The following BTLA variants were observed in gnomAD, a reference collection of about 807,000 sequenced individuals.
BTLA encodes the protein B and T lymphocyte associated, also known as B- and T-lymphocyte attenuator.
A neutral mutation model predicts 25.0 loss-of-function variants in BTLA; 11 were observed. The observed-to-expected ratio is 0.44, with a 90% CI of 0.28 to 0.73. BTLA has a LOEUF of 0.73. Ranked by LOEUF, BTLA falls within the 30% of genes least tolerant of loss-of-function variation. The pLI is 0.15. For synonymous variants in BTLA, 104 were observed against 119.8 expected, an observed-to-expected ratio of 0.87 and a Z score of 0.86; for missense variants, 282 against 332.8, an observed-to-expected ratio of 0.85 and a Z score of 1.19.
Position 112,466,301 on chromosome 3 carries a change from T to C in BTLA, c.677A>G (p.Tyr226Cys). ...SQVLLSETGIYDNDPDLCFRM... is the reference protein window; with the variant it reads ...SQVLLSETGICDNDPDLCFRM... ...GAAACAAAGGTCAGGGTCATTATCA[T>C]AAATTCCAGTTTCTGATAGCAGTAC... The change falls in exon 5 of 5, where the codon TAT becomes TGT. Residue 226 changes from tyrosine (Y) to cysteine (C), a missense_variant. By Grantham distance (194) the Tyr-to-Cys change is radical. Coordinates refer to ENST00000334529, the MANE Select transcript of BTLA (RefSeq NM_181780.4). 6.2e-7 allele frequency: 1 copy of C among 1,614,016 alleles called. No individual in the cohort carries two copies. The highest frequency in any genetic ancestry group is 8.5e-7 in the Non-Finnish European group (1 of 1,179,916).
intron 1 of BTLA, among the ~76,000 whole-genome samples, chr3:112,495,258 T>C (rs2082403208): frequency 6.6e-6 from 1 of 152,216 alleles, no homozygotes; most frequent in Non-Finnish European, 1.5e-5. Context: ...TCCCTGATCT[T>C]AGCCACTATA....
chr3:112,465,728 A>G lies in BTLA; in HGVS notation c.*380T>C. ...CAAATTGGGACATTTTGTTTTCAAG[A>G]GTGTGTAGTGAACTGATGCAGGTAA... On this transcript the variant is annotated 3_prime_UTR_variant, in exon 5 of 5. Transcript: ENST00000334529. The G allele has an allele frequency of 6.3e-6, 1 of 159,122 alleles. No individual in the cohort carries two copies. The highest frequency in any genetic ancestry group is 1.4e-5 in the Non-Finnish European group (1 of 72,576). 9.9% of individuals were successfully genotyped at this position (159,122 alleles called of 1,614,324 possible).
rs750595248 is a variant in BTLA, at chr3:112,479,513, A to G, written c.345T>C (p.Cys115=). 11 of 1,614,124 alleles carry G rather than the reference A, an allele frequency of 6.8e-6. No individual in the cohort carries two copies. In the South Asian group the frequency reaches 1.2e-4, roughly 18 times the overall value. ...VLPNDNGSYR[C]SANFQSNLIE... is the part of the protein sequence containing the mutation. ...TGAGATTAGACTGAAAATTTGCAGA[A>G]CAGCGGTATGACCCATTGTCATTAG... The change falls in exon 2 of 5, where the codon TGT becomes TGC. Residue 115 remains cysteine (C), a synonymous_variant. Transcript: ENST00000334529.
At chr3:112,477,563 G>T (rs545963519) in intron 2 of BTLA, among the ~76,000 whole-genome samples, 1 of 151,850 alleles carries the variant, frequency 6.6e-6, no homozygotes, top group Non-Finnish European at 1.5e-5. Flanking sequence ...TTGAATTTTA[G>T]TATCTTTTGA....
At chr3:112,494,257 A>G (rs908221363) in intron 1 of BTLA, among the ~76,000 whole-genome samples, 4 of 152,224 alleles carry the variant, frequency 2.6e-5, no homozygotes, top group African/African-American at 9.6e-5. Context: ...TCAGGAAACA[A>G]TAGGTGCTGG....
rs755381980 is a variant in BTLA, at chr3:112,479,774, A to C, written c.89-5T>G. On this transcript the variant is annotated splice_polypyrimidine_tract_variant and splice_region_variant and intron_variant, in intron 1 of 4. Transcript: ENST00000334529. ...GTACATCACATGATTCTTTCCCTAA[A>C]AGATAAAAACAAAACTAAAATCAAA... 21 of 1,571,526 alleles carry C rather than the reference A, an allele frequency of 1.3e-5. No homozygotes were observed. Among genetic ancestry groups the C allele is most frequent in the Non-Finnish European group, 1.8e-5 (21 of 1,158,018 alleles).
rs1432392487 is a variant in BTLA, at chr3:112,465,057, C to T, written c.*1051G>A. The T allele has an allele frequency of 6.6e-6, 1 of 152,196 alleles. No individual in the cohort carries two copies. The highest frequency in any genetic ancestry group is 2.4e-5 in the African/African-American group (1 of 41,458). The allele number at this position is 152,196 out of a possible 1,614,324, so 9.4% of individuals were successfully genotyped here. A position where few individuals can be genotyped will look rare whatever the true frequency, so the allele number is the denominator to read the frequency against. On this transcript the variant is annotated 3_prime_UTR_variant, in exon 5 of 5. Transcript: ENST00000334529. ...CATCTTTTGCTATACTCTTAAGTGGCTGCAACCTCAGTATTTTAAAATAAA... is the reference window on the plus strand; with the variant it reads ...CATCTTTTGCTATACTCTTAAGTGGTTGCAACCTCAGTATTTTAAAATAAA...
intron 1 of BTLA, among the ~76,000 whole-genome samples, chr3:112,491,691 ATAT>A (rs1462032375): frequency 2.0e-5 from 3 of 152,184 alleles, no homozygotes; most frequent in Admixed American, 6.5e-5. Context: ...AAAGTACCAG[ATAT>A]TATTATGTTT....
rs1185586967 is a variant in BTLA at position 112,464,222 on chromosome 3, C to T, written c.*1886G>A. ...AAACAGTACAAATATATTAATACAT[C>T]TTAGAGATGAAATCATTATCAGCAT... On this transcript the variant is annotated 3_prime_UTR_variant, in exon 5 of 5. Coordinates refer to ENST00000334529, the MANE Select transcript of BTLA (RefSeq NM_181780.4). The T allele has an allele frequency of 2.5e-6, 1 of 397,530 alleles. No individual in the cohort carries two copies. The highest frequency in any genetic ancestry group is 2.1e-5 in the African/African-American group (1 of 48,544). The allele number at this position is 397,530 out of a possible 1,614,324, so 24.6% of individuals were successfully genotyped here.
chr3:112,495,958 G>C (rs2082406872), intron 1 of BTLA, among the ~76,000 whole-genome samples: 3 of 152,198 alleles, frequency 2.0e-5, no homozygotes, highest in African/African-American at 7.2e-5. Flanking sequence ...ATTCTCAAAA[G>C]AGCCAGAATA....
At chr3:112,482,123 G>A (rs191676894) in intron 1 of BTLA, among the ~76,000 whole-genome samples, 5 of 152,264 alleles carry the variant, frequency 3.3e-5, no homozygotes, top group Admixed American at 2.0e-4. Flanking sequence ...GGCTAAGCAC[G>A]TGATCCTAAA....
At position 112,485,241 on chromosome 3, in the gene BTLA, C is replaced by T. The variant is rs148893151; in HGVS notation, c.89-5472G>A. On this transcript the variant is annotated intron_variant, in intron 1 of 4. Coordinates refer to ENST00000334529, the MANE Select transcript of BTLA (RefSeq NM_181780.4). ...TGTATTTTTAGTAGGGACGGGGTTT[C>T]GCCATGTTAGCCAGGCTGATCTCGA... 3.1e-3 allele frequency among the ~76,000 whole-genome samples: 468 copies of T among 152,048 alleles called. 4 individuals are homozygous for T. The highest frequency in any genetic ancestry group is 0.01 in the African/African-American group (426 of 41,454).
intron 2 of BTLA, among the ~76,000 whole-genome samples, chr3:112,473,615 T>C (rs1265865059): frequency 7.3e-6 from 1 of 136,376 alleles, no homozygotes; most frequent in African/African-American, 2.7e-5. Context: ...CTTCTTCTTT[T>C]TTTTTTTTTT....
intron 1 of BTLA, among the ~76,000 whole-genome samples, chr3:112,492,670 A>G (rs1001753771): frequency 6.6e-6 from 1 of 152,210 alleles, no homozygotes; most frequent in Admixed American, 6.5e-5. Flanking sequence ...TGAAGATACT[A>G]AACAATACTT....
rs554925542 is a variant in BTLA, at chr3:112,491,596, T to G, written c.88+7675A>C. ...GTGTGGCTAACTCCAAAGCACAAGCTCTTATCCAGTAGGGTTGTTGTGAAA... is the reference window on the plus strand; with the variant it reads ...GTGTGGCTAACTCCAAAGCACAAGCGCTTATCCAGTAGGGTTGTTGTGAAA... On this transcript the variant is annotated intron_variant, in intron 1 of 4. Coordinates refer to ENST00000334529, the MANE Select transcript of BTLA (RefSeq NM_181780.4). Among the ~76,000 whole-genome samples, 25 of 152,298 alleles carry G rather than the reference T, an allele frequency of 1.6e-4. No homozygotes were observed. In the South Asian group the frequency reaches 4.8e-3, roughly 29 times the overall value.
In BTLA at chr3:112,465,077, A is replaced by C. The variant is rs1305003541; in HGVS notation, c.*1031T>G. 1.3e-5 allele frequency: 2 copies of C among 152,250 alleles called. No individual in the cohort carries two copies. Among genetic ancestry groups the C allele is most frequent in the African/African-American group, 2.4e-5 (1 of 41,462 alleles). 9.4% of individuals were successfully genotyped at this position (152,250 alleles called of 1,614,324 possible). A position where few individuals can be genotyped will look rare whatever the true frequency, so the allele number is the denominator to read the frequency against. On this transcript the variant is annotated 3_prime_UTR_variant, in exon 5 of 5. Transcript: ENST00000334529. ...AGTGGCTGCAACCTCAGTATTTTAA[A>C]ATAAATGATTAGCAAACTAAAATAT...
chr3:112,492,741 G>A lies in BTLA; in HGVS notation c.88+6530C>T, dbSNP rs184963292. On this transcript the variant is annotated intron_variant, in intron 1 of 4. Transcript: ENST00000334529. Reference sequence around the variant, plus strand: ...AATTCTCATCTTCTAATATTATAGAGGAAAATGAAGTGGGGCCATAACCCC... The same window carrying A: ...AATTCTCATCTTCTAATATTATAGAAGAAAATGAAGTGGGGCCATAACCCC... Among the ~76,000 whole-genome samples the A allele has an allele frequency of 1.2e-3, 189 of 152,288 alleles. 3 individuals carry two copies. Among genetic ancestry groups the A allele is most frequent in the Non-Finnish European group, 2.9e-4 (20 of 68,026 alleles).
chr3:112,488,021 C>T (rs1408023791), intron 1 of BTLA, among the ~76,000 whole-genome samples: 3 of 152,108 alleles, frequency 2.0e-5, no homozygotes, highest in Admixed American at 1.3e-4. Context: ...CGTCCCATTC[C>T]ATCAGCCATG....
At chr3:112,490,311 C>G (rs1252614479) in intron 1 of BTLA, among the ~76,000 whole-genome samples, 1 of 152,148 alleles carries the variant, frequency 6.6e-6, no homozygotes, top group Non-Finnish European at 1.5e-5. Context: ...ATGACACACA[C>G]AAACATATGT....
Sources: allele counts gnomAD v4.1 joint callset (sites outside exome capture counted in the v4.1 genomes callset), GRCh38; gene constraint gnomAD v4.1.1; transcripts MANE v1.5; gene names NCBI Gene and HGNC (gene_info 2026-07-23, HGNC 2026-07-21).